Variants in KIAA1549 observed in about 807,000 individuals in gnomAD.
KIAA1549 encodes the protein KIAA1549.
Under a neutral mutation model 156.4 loss-of-function variants are expected in KIAA1549, and 70 were observed. The observed-to-expected ratio is 0.45, with a 90% CI of 0.37 to 0.55. The LOEUF (loss-of-function observed/expected upper bound fraction) is 0.55. Among genes scored for constraint, KIAA1549 ranks in the 20% least tolerant of loss-of-function variants. KIAA1549 has a pLI of 0.00. For missense variants in KIAA1549, 2,428 were observed against 2,540.9 expected, an observed-to-expected ratio of 0.96 and a Z score of 0.96; for synonymous variants, 1,103 against 1,066.4, an observed-to-expected ratio of 1.03 and a Z score of -0.67.
At chr7:138,900,569 T>C (rs918911860) in intron 8 of KIAA1549, among the ~76,000 whole-genome samples, 3 of 152,328 alleles carry the variant, frequency 2.0e-5, no homozygotes, top group African/African-American at 4.8e-5. Context: ...ACAGTTTGGA[T>C]GTTGGACCCC....
intron 1 of KIAA1549, among the ~76,000 whole-genome samples, chr7:138,955,357 G>A (rs961051798): frequency 2.0e-5 from 3 of 152,188 alleles, no homozygotes; most frequent in African/African-American, 7.2e-5. Flanking sequence ...GAAGCTTGAG[G>A]TCATTATGCA....
In KIAA1549 at chr7:138,918,809, G is replaced by A. The variant is rs2130482799; in HGVS notation, c.817C>T (p.Leu273=). The change falls in exon 2 of 20, where the codon CTA becomes TTA. Residue 273 remains leucine (L), a synonymous_variant. Transcript: ENST00000422774. This position sits in a 1 kb window ranked among gnomAD's most constrained non-coding sequence, Gnocchi z 4.2. ...SRTLPEIVAS[L]TEGVETTLFL... ...AGGGTGGTTTCCACACCCTCTGTTA[G>A]GGAAGCCACAATCTCTGGCAGAGTC... The A allele has an allele frequency of 6.2e-7, 1 of 1,614,000 alleles. No individual in the cohort carries two copies. Among genetic ancestry groups the A allele is most frequent in the South Asian group, 1.1e-5 (1 of 91,078 alleles).
chr7:138,943,084 G>A (rs988655609), intron 1 of KIAA1549, among the ~76,000 whole-genome samples: 7 of 152,322 alleles, frequency 4.6e-5, no homozygotes, highest in East Asian at 3.9e-4. Flanking sequence ...CCTCCACCGC[G>A]AGGAAGCTAA....
rs200117856 is a variant in KIAA1549 at position 138,917,004 on chromosome 7, C to T, written c.2622G>A (p.Glu874=). 120 of 1,601,370 alleles carry T rather than the reference C, an allele frequency of 7.5e-5. No individual in the cohort carries two copies. The Middle Eastern group carries it at 1.0e-3, about 13-fold the overall frequency. ...CTTCCGTGGAGGTGTTCAGTGGCAC[C>T]TCTGTGGGTGTGAGTGATGGGCCCA... ...TVVGPSLTPT[E]VPLNTSTEVS... The change falls in exon 2 of 20, where the codon GAG becomes GAA. Residue 874 remains glutamate, a synonymous_variant. Coordinates refer to ENST00000422774, the MANE Select transcript of KIAA1549 (RefSeq NM_001164665.2).
At chr7:138,881,348 G>T in intron 11 of KIAA1549, 40 bp downstream of exon 11, 1 of 1,571,090 alleles carries the variant, frequency 6.4e-7, no homozygotes. Context: ...ACAGAAGCAT[G>T]CTCTGCAACA....
At position 138,899,140 on chromosome 7, in the gene KIAA1549, A is replaced by G. The variant is rs1811772366; in HGVS notation, c.3670-8T>C. 4 of 1,612,998 alleles carry G rather than the reference A, an allele frequency of 2.5e-6. No homozygotes were observed. The highest frequency in any genetic ancestry group is 3.4e-6 in the Non-Finnish European group (4 of 1,179,228). On this transcript the variant is annotated splice_polypyrimidine_tract_variant and splice_region_variant and intron_variant, in intron 8 of 19. Transcript: ENST00000422774. ...CCTCGACACATTTACCACCTGAAAGATAGCAGAAACCATTCACATTGCAGA... is the reference window on the plus strand; with the variant it reads ...CCTCGACACATTTACCACCTGAAAGGTAGCAGAAACCATTCACATTGCAGA...
intron 4 of KIAA1549, among the ~76,000 whole-genome samples, chr7:138,910,399 T>C (rs1812135044): frequency 1.1e-5 from 1 of 92,550 alleles, no homozygotes; most frequent in Non-Finnish European, 2.1e-5. Context: ...CTTAAATTCT[T>C]TTTTTTTTTT....
intron 18 of KIAA1549, among the ~76,000 whole-genome samples, chr7:138,841,777 G>A (rs1196965814): frequency 6.6e-6 from 1 of 151,866 alleles, no homozygotes; most frequent in African/African-American, 2.4e-5. Context: ...TGGCCAGGCT[G>A]GTCTTGAACT....
At chr7:138,903,783 T>TA (rs1811910529) in intron 7 of KIAA1549, 47 bp from the exon 8 acceptor site, 3 of 1,446,544 alleles carry the variant, frequency 2.1e-6, no homozygotes, top group Middle Eastern at 1.8e-4. Flanking sequence ...AAGTCAGCAG[T>TA]AAAAAAACAG....
rs763327649 is a variant in KIAA1549 at position 138,839,778 on chromosome 7, CTTTTTTTTTTT to C, written c.5598+344_5598+354del. On this transcript the variant is annotated intron_variant, in intron 19 of 19. Transcript: ENST00000422774. Reference sequence around the variant, plus strand: ...AAGCTGCTAAATTGAGGGATTATGTCTTTTTTTTTTTTTTTTTTTTTTTTTTTTTGAGACAG... The same window carrying C: ...AAGCTGCTAAATTGAGGGATTATGTCTTTTTTTTTTTTTTTTTTGAGACAG... 3.1e-4 allele frequency among the ~76,000 whole-genome samples: 19 copies of C among 61,362 alleles called. 1 individual carries two copies. In the South Asian group the frequency reaches 0.012, roughly 38 times the overall value. 40.3% of individuals were successfully genotyped at this position (61,362 alleles called of 152,430 possible).
chr7:138,951,818 T>G (rs1813508362), intron 1 of KIAA1549, among the ~76,000 whole-genome samples: 1 of 152,132 alleles, frequency 6.6e-6, no homozygotes, highest in African/African-American at 2.4e-5. Context: ...CTAAGCAACA[T>G]CCAGGAATTT....
chr7:138,916,026 A>G (rs1252916320), intron 2 of KIAA1549, among the ~76,000 whole-genome samples: 1 of 152,220 alleles, frequency 6.6e-6, no homozygotes, highest in African/African-American at 2.4e-5. Flanking sequence ...TGTGGTGGGG[A>G]GGAGACCAAA....
At chr7:138,888,575 C>T (rs550939219) in intron 10 of KIAA1549, among the ~76,000 whole-genome samples, 41 of 152,242 alleles carry the variant, frequency 2.7e-4, no homozygotes, top group African/African-American at 9.4e-4. Flanking sequence ...TTTTCTAAAC[C>T]CCACACTTAC....
intron 15 of KIAA1549, among the ~76,000 whole-genome samples, chr7:138,866,504 AGGCT>A (rs1810745661): frequency 6.6e-6 from 1 of 152,212 alleles, no homozygotes; most frequent in Non-Finnish European, 1.5e-5. Context: ...TCTCTAAACC[AGGCT>A]GGCTCTGTGA....
intron 1 of KIAA1549, among the ~76,000 whole-genome samples, chr7:138,966,414 G>A (rs1447839230): frequency 1.3e-5 from 2 of 151,944 alleles, no homozygotes; most frequent in Non-Finnish European, 2.9e-5. Context: ...ACACACAGAG[G>A]AGTTTATTAA....
At chr7:138,867,898 C>T in intron 15 of KIAA1549, 77 bp downstream of exon 15, 1 of 1,493,914 alleles carries the variant, frequency 6.7e-7, no homozygotes, top group Non-Finnish European at 9.2e-7. Context: ...AGTGCTGCTG[C>T]TTCTCCTCCC....
At chr7:138,936,973 T>C (rs1010993663) in intron 1 of KIAA1549, among the ~76,000 whole-genome samples, 20 of 152,212 alleles carry the variant, frequency 1.3e-4, no homozygotes, top group Middle Eastern at 3.4e-3. Context: ...ATTCTGTATA[T>C]ATGAAGTTCA....
At position 138,918,087 on chromosome 7, in the gene KIAA1549, C is replaced by G. The variant is rs768994506; in HGVS notation, c.1539G>C (p.Met513Ile). 2.5e-6 allele frequency: 4 copies of G among 1,613,800 alleles called. No individual in the cohort carries two copies. The highest frequency in any genetic ancestry group is 2.5e-6 in the Non-Finnish European group (3 of 1,179,836). Residue 513 changes from methionine (M) to isoleucine (I), a missense_variant, in exon 2 of 20, where the codon ATG (methionine) becomes ATC (isoleucine). Physicochemically the swap from Met to Ile is conservative, Grantham distance 10. This residue lies in a region of KIAA1549 where 893 missense variants were observed against 847.9 expected (regional missense o/e 1.05). Coordinates refer to ENST00000422774, the MANE Select transcript of KIAA1549 (RefSeq NM_001164665.2). The surrounding 1 kb of genome is among the most constrained non-coding windows in gnomAD (Gnocchi z 4.2). ...TSVGISAEVD[M>I]SSVTTTQVPP... ...GAACCTGTGTGGTTGTAACACTACTCATATCCACCTCGGCAGAAATGCCAA... is the reference window on the plus strand; with the variant it reads ...GAACCTGTGTGGTTGTAACACTACTGATATCCACCTCGGCAGAAATGCCAA...
intron 1 of KIAA1549, among the ~76,000 whole-genome samples, chr7:138,960,459 C>T (rs1254986204): frequency 6.6e-6 from 1 of 151,822 alleles, no homozygotes; most frequent in Non-Finnish European, 1.5e-5. Flanking sequence ...CAGGCACCCG[C>T]CACTATGCCT....
Sources: allele counts gnomAD v4.1 joint callset (sites outside exome capture counted in the v4.1 genomes callset), GRCh38; gene constraint gnomAD v4.1.1; regional missense constraint gnomAD v4.1.1; non-coding constraint Gnocchi (gnomAD v3.1); transcripts MANE v1.5; gene names NCBI Gene and HGNC (gene_info 2026-07-23, HGNC 2026-07-21).